Variants in MOXD1 observed in about 807,000 individuals in gnomAD.
The protein encoded by MOXD1 is DBH-like monooxygenase protein 1.
MOXD1 carries 62 observed loss-of-function variants against 66.6 expected under a neutral mutation model. That is an observed-to-expected ratio of 0.93 (90% CI 0.76 to 1.15). MOXD1 has a LOEUF of 1.15. Ranked by LOEUF, MOXD1 falls within the 50% of genes most tolerant of loss-of-function variation. MOXD1 has a pLI of 0.00. For missense variants in MOXD1, 847 were observed against 754.6 expected, an observed-to-expected ratio of 1.12 and a Z score of -1.44; for synonymous variants, 303 against 281.9, an observed-to-expected ratio of 1.07 and a Z score of -0.75.
chr6:132,374,781 T>C lies in MOXD1; in HGVS notation c.265-4A>G. 1 of 1,611,830 alleles carries C rather than the reference T, an allele frequency of 6.2e-7. No individual in the cohort carries two copies. Among genetic ancestry groups the C allele is most frequent in the Non-Finnish European group, 8.5e-7 (1 of 1,178,186 alleles). On this transcript the variant is annotated splice_polypyrimidine_tract_variant and splice_region_variant and intron_variant, in intron 1 of 11. Transcript: ENST00000367963. ...TATTTGCATTTGTAAAATAATCCTG[T>C]GGAAAATATGGAAAAGAAAAATCAG...
At chr6:132,373,027 C>A in intron 2 of MOXD1, 30 bp from the exon 3 acceptor site, 1 of 1,570,636 alleles carries the variant, frequency 6.4e-7, no homozygotes, top group South Asian at 1.2e-5. Flanking sequence ...ATGATTAGGT[C>A]TCATGAGAGC....
At chr6:132,320,383 T>C (rs973293106) in intron 9 of MOXD1, among the ~76,000 whole-genome samples, 9 of 152,184 alleles carry the variant, frequency 5.9e-5, no homozygotes, top group Admixed American at 5.9e-4. Flanking sequence ...AGACTAAGGA[T>C]AGCTTTTCAT....
At chr6:132,350,845 T>A (rs757438297) in intron 4 of MOXD1, among the ~76,000 whole-genome samples, 3 of 152,192 alleles carry the variant, frequency 2.0e-5, no homozygotes, top group Admixed American at 6.5e-5. Context: ...TTGGCCTCTT[T>A]GGTTAGGTAT....
intron 1 of MOXD1, among the ~76,000 whole-genome samples, chr6:132,398,019 T>G (rs1776935562): frequency 6.6e-6 from 1 of 152,220 alleles, no homozygotes; most frequent in South Asian, 2.1e-4. Context: ...TTGTAACAAA[T>G]AAGTAATTTC....
At chr6:132,398,666 G>T (rs558276198) in intron 1 of MOXD1, among the ~76,000 whole-genome samples, 1 of 152,166 alleles carries the variant, frequency 6.6e-6, no homozygotes, top group African/African-American at 2.4e-5. Flanking sequence ...ATGGCCTGGC[G>T]TGGTGGCTCA....
At chr6:132,301,645 T>C (rs1463848932) in intron 10 of MOXD1, among the ~76,000 whole-genome samples, 1 of 152,234 alleles carries the variant, frequency 6.6e-6, no homozygotes, top group Non-Finnish European at 1.5e-5. Context: ...CATGTACTTA[T>C]AGCTAAATGA....
At position 132,322,892 on chromosome 6, in the gene MOXD1, A is replaced by C. The variant is rs763716751; in HGVS notation, c.1114-22T>G. 1.9e-5 allele frequency: 30 copies of C among 1,590,256 alleles called. No homozygotes were observed. In the South Asian group the frequency reaches 2.6e-4, roughly 14 times the overall value. ...GAGCCTACAGGAGACACCGAGGAAG[A>C]CCCGATTAGCCCACATTAATGCATG... On this transcript the variant is annotated intron_variant, in intron 7 of 11. Coordinates refer to ENST00000367963, the MANE Select transcript of MOXD1 (RefSeq NM_015529.4).
At position 132,349,428 on chromosome 6, in the gene MOXD1, TATATATAC is replaced by T. The variant is rs1381881384; in HGVS notation, c.664-20842_664-20835del. Among the ~76,000 whole-genome samples the T allele has an allele frequency of 2.5e-4, 18 of 72,786 alleles. 1 individual carries two copies. The highest frequency in any genetic ancestry group is 1.7e-3 in the African/African-American group (17 of 9,808). 47.8% of individuals were successfully genotyped at this position (72,786 alleles called of 152,430 possible). A position where few individuals can be genotyped will look rare whatever the true frequency, so the allele number is the denominator to read the frequency against. On this transcript the variant is annotated intron_variant, in intron 4 of 11. Coordinates refer to ENST00000367963, the MANE Select transcript of MOXD1 (RefSeq NM_015529.4). ...ATACATATATATATATATACATATA[TATATATAC>T]ATATATATATATATACATATATATA... is the stretch of plus-strand genomic sequence containing the variant.
chr6:132,301,976 C>T (rs1347270358), intron 10 of MOXD1, among the ~76,000 whole-genome samples: 1 of 152,102 alleles, frequency 6.6e-6, no homozygotes, highest in Non-Finnish European at 1.5e-5. Flanking sequence ...ATGACGATCT[C>T]AATAAGTTAA....
intron 9 of MOXD1, among the ~76,000 whole-genome samples, chr6:132,319,307 T>TA (rs1775025307): frequency 6.6e-6 from 1 of 152,010 alleles, no homozygotes; most frequent in South Asian, 2.1e-4. Flanking sequence ...GAAATTTTTT[T>TA]ACTAGAATAA....
chr6:132,353,033 T>C (rs1053419556), intron 4 of MOXD1, among the ~76,000 whole-genome samples: 4 of 152,280 alleles, frequency 2.6e-5, no homozygotes, highest in Admixed American at 2.0e-4. Flanking sequence ...TGTGAGTCCT[T>C]ACGTGTTAGG....
At chr6:132,377,494 T>G (rs1301509605) in intron 1 of MOXD1, among the ~76,000 whole-genome samples, 1 of 152,224 alleles carries the variant, frequency 6.6e-6, no homozygotes, top group Non-Finnish European at 1.5e-5. Flanking sequence ...GTTTGCCAAT[T>G]TTCCACTCAT....
At chr6:132,305,689 A>T (rs1774672494) in intron 10 of MOXD1, among the ~76,000 whole-genome samples, 1 of 152,192 alleles carries the variant, frequency 6.6e-6, no homozygotes, top group African/African-American at 2.4e-5. Context: ...CTGGAGTGTC[A>T]TCTCCAGGTG....
chr6:132,345,005 C>T (rs1478051701), intron 4 of MOXD1, among the ~76,000 whole-genome samples: 5 of 152,136 alleles, frequency 3.3e-5, no homozygotes, highest in Non-Finnish European at 7.4e-5. Flanking sequence ...AACCAGCTGC[C>T]CTATGTGACA....
chr6:132,297,326 G>A lies in MOXD1; in HGVS notation c.1678-9C>T. On this transcript the variant is annotated splice_polypyrimidine_tract_variant and intron_variant, in intron 11 of 11. Transcript: ENST00000367963. ...GCTGTCATTCCTTGAATCTGAAAAT[G>A]GAAGCACAAACAATGCAAATGAACA... 1.9e-6 allele frequency: 3 copies of A among 1,611,582 alleles called. No individual in the cohort carries two copies. The highest frequency in any genetic ancestry group is 2.5e-6 in the Non-Finnish European group (3 of 1,178,626).
chr6:132,307,016 A>G (rs932751485), intron 10 of MOXD1, among the ~76,000 whole-genome samples: 10 of 152,220 alleles, frequency 6.6e-5, no homozygotes, highest in African/African-American at 2.4e-4. Context: ...ATTCACACAT[A>G]ACAATACTAA....
At chr6:132,301,947 G>A (rs953190125) in intron 10 of MOXD1, among the ~76,000 whole-genome samples, 1 of 151,868 alleles carries the variant, frequency 6.6e-6, no homozygotes, top group African/African-American at 2.4e-5. Context: ...ATGCAGGAAA[G>A]GGAATTTCGA....
chr6:132,349,452 CAT>C (rs1197053952), intron 4 of MOXD1, among the ~76,000 whole-genome samples: 4,282 of 74,148 alleles, frequency 0.058, 1,035 homozygotes, highest in African/African-American at 0.24. Flanking sequence ...TATATATATA[CAT>C]ATATATATAT....
chr6:132,333,733 G>T (rs1416701781), intron 4 of MOXD1, among the ~76,000 whole-genome samples: 1 of 152,204 alleles, frequency 6.6e-6, no homozygotes, highest in Non-Finnish European at 1.5e-5. Context: ...CAAAGGTGGG[G>T]TGTACAGACC....
Sources: gnomAD v4.1 joint callset for allele counts (sites outside exome capture counted in the v4.1 genomes callset) on GRCh38, gnomAD v4.1.1 for gene constraint, MANE v1.5 for transcripts, NCBI Gene and HGNC (gene_info 2026-07-23, HGNC 2026-07-21) for gene names.